Variants in ARSG observed in about 807,000 individuals in gnomAD.
The protein encoded by ARSG is ASG.
Under a neutral mutation model 50.5 loss-of-function variants are expected in ARSG, and 37 were observed. The ratio of observed to expected loss-of-function variants is 0.73; its 90% CI spans 0.56 to 0.96. ARSG has a LOEUF of 0.96. Among genes scored for constraint, ARSG ranks in the 50% least tolerant of loss-of-function variants. The pLI, the probability that ARSG is intolerant of heterozygous loss-of-function variation, is 0.00. For missense variants in ARSG, 629 were observed against 675.3 expected, an observed-to-expected ratio of 0.93 and a Z score of 0.76; for synonymous variants, 225 against 254.6, an observed-to-expected ratio of 0.88 and a Z score of 1.11.
chr17:68,346,030 C>G (rs2064388899), intron 3 of ARSG, among the ~76,000 whole-genome samples: 1 of 152,064 alleles, frequency 6.6e-6, no homozygotes, highest in Admixed American at 6.6e-5. Context: ...CGTGCACCAC[C>G]ACACCCAGCT....
At chr17:68,283,703 T>A in intron 1 of ARSG, among the ~76,000 whole-genome samples, 1 of 149,554 alleles carries the variant, frequency 6.7e-6, no homozygotes, top group South Asian at 2.1e-4. Context: ...CTTGAAACCC[T>A]GTCTCTACTA....
At chr17:68,338,249 CCT>C (rs1381267234) in intron 2 of ARSG, among the ~76,000 whole-genome samples, 1 of 152,158 alleles carries the variant, frequency 6.6e-6, no homozygotes, top group African/African-American at 2.4e-5. Flanking sequence ...GTGTCCCACA[CCT>C]GTCTTTGGAT....
intron 9 of ARSG, among the ~76,000 whole-genome samples, chr17:68,391,329 C>T (rs942949669): frequency 6.6e-6 from 1 of 152,146 alleles, no homozygotes; most frequent in Non-Finnish European, 1.5e-5. Context: ...CTTGCCAAAT[C>T]GGGATGGGGC....
chr17:68,323,920 A>G (rs1214208294), intron 2 of ARSG, among the ~76,000 whole-genome samples: 1 of 151,994 alleles, frequency 6.6e-6, no homozygotes, highest in Admixed American at 6.6e-5. Context: ...TAAAAATACA[A>G]AAATTAGCCA....
At position 68,370,365 on chromosome 17, in the gene ARSG, G is replaced by C. The variant is rs549690560; in HGVS notation, c.902-79G>C. The C allele has an allele frequency of 2.5e-5, 32 of 1,298,156 alleles. No individual in the cohort carries two copies. The African/African-American group carries it at 3.9e-4, about 16-fold the overall frequency. The allele number at this position is 1,298,156 out of a possible 1,614,324, so 80.4% of individuals were successfully genotyped here. On this transcript the variant is annotated intron_variant, in intron 7 of 11. Transcript: ENST00000621439. ...CTATCTAGTTCCTGCTCTGCGCAAG[G>C]GATATAGGGCCAGAGTGGGAGGGTC...
chr17:68,342,702 A>G (rs2078323890), intron 2 of ARSG, among the ~76,000 whole-genome samples: 1 of 152,192 alleles, frequency 6.6e-6, no homozygotes, highest in Non-Finnish European at 1.5e-5. Context: ...AAAGCCTTTG[A>G]GTGCTTAGGA....
chr17:68,393,553 A>G (rs1568568915), intron 9 of ARSG, among the ~76,000 whole-genome samples: 1 of 152,170 alleles, frequency 6.6e-6, no homozygotes, highest in Non-Finnish European at 1.5e-5. Context: ...CTTTAAGTGA[A>G]AGGTGAAGTT....
the ARSG span, chr17:68,428,514 T>C: frequency 4.3e-6 from 1 of 235,102 alleles, no homozygotes; most frequent in South Asian, 6.0e-5. Context: ...ATTACAGGTG[T>C]GAGCCGCCAC....
chr17:68,311,731 C>G (rs2145675525), intron 2 of ARSG, among the ~76,000 whole-genome samples: 1 of 151,786 alleles, frequency 6.6e-6, no homozygotes, highest in South Asian at 2.1e-4. Flanking sequence ...CAGATTCTCC[C>G]TCAGAGCCTC....
At chr17:68,386,681 GGT>G (rs1206481356) in intron 9 of ARSG, among the ~76,000 whole-genome samples, 1 of 152,124 alleles carries the variant, frequency 6.6e-6, no homozygotes, top group African/African-American at 2.4e-5. Flanking sequence ...GGGCTGACTT[GGT>G]GTAGTCAAAG....
At chr17:68,374,851 A>G (rs1241899714) in intron 8 of ARSG, among the ~76,000 whole-genome samples, 1 of 55,628 alleles carries the variant, frequency 1.8e-5, no homozygotes, top group Non-Finnish European at 3.3e-5. Flanking sequence ...TGAGACTCAG[A>G]AAAAAAAAAA....
chr17:68,347,029 A>T (rs932292513), intron 3 of ARSG, 96 bp from the exon 4 acceptor site: 22 of 1,577,840 alleles, frequency 1.4e-5, no homozygotes, highest in East Asian at 1.1e-4. Flanking sequence ...GTGCGAGGCG[A>T]AGCTAATGGA....
chr17:68,334,016 A>G (rs2077903846), intron 2 of ARSG, among the ~76,000 whole-genome samples: 1 of 152,142 alleles, frequency 6.6e-6, no homozygotes. Flanking sequence ...AGCCTCCAGG[A>G]GACTGATGGT....
At position 68,271,927 on chromosome 17, in the gene ARSG, T is replaced by C. The variant is rs1178923310; in HGVS notation, c.-552+12501T>C. 6.6e-6 allele frequency among the ~76,000 whole-genome samples: 1 copy of C among 152,134 alleles called. No homozygotes were observed. Among genetic ancestry groups the C allele is most frequent in the Non-Finnish European group, 1.5e-5 (1 of 68,020 alleles). ...AAGCGATTCTCCTGCCTCAGCCTCC[T>C]GAGTAGCTGGGACTATAGGCGTGCG... On this transcript the variant is annotated intron_variant, in intron 1 of 11. Transcript: ENST00000448504. This position sits in a 1 kb window ranked among gnomAD's most constrained non-coding sequence, Gnocchi z 5.3.
At chr17:68,259,392 C>T (rs1360987698) in exon 1 of ARSG, 2 of 152,226 alleles carry the variant, frequency 1.3e-5, no homozygotes, top group African/African-American at 4.8e-5. Context: ...CTGGGCACAG[C>T]CTTGGAAAGT....
chr17:68,299,937 CTTT>C (rs34778190), intron 1 of ARSG, among the ~76,000 whole-genome samples: 4 of 137,974 alleles, frequency 2.9e-5, no homozygotes, highest in Admixed American at 7.3e-5. Flanking sequence ...TTTGGTATTG[CTTT>C]TTTTTTTTTT....
Position 68,420,233 on chromosome 17 carries a change from C to T in ARSG, c.1348C>T (p.His450Tyr). Residue 450 changes from histidine to tyrosine, a missense_variant, in exon 12 of 12, where the codon CAT becomes TAT. By Grantham distance (83) the His-to-Tyr change is moderately conservative. Coordinates refer to ENST00000621439, the MANE Select transcript of ARSG (RefSeq NM_001267727.2). ...CDGSTGPELQ[H>Y]KFPLIFNLED... is the part of the protein sequence containing the mutation. ...TGGGAGCACGGGGCCTGAGCTGCAG[C>T]ATAAGTTTCCTCTGATTTTCAACCT... 1 of 1,614,134 alleles carries T rather than the reference C, an allele frequency of 6.2e-7. No homozygotes were observed.
At position 68,351,703 on chromosome 17, in the gene ARSG, C is replaced by T; in HGVS notation, c.566+17C>T. The T allele has an allele frequency of 6.5e-7, 1 of 1,536,912 alleles. No homozygotes were observed. On this transcript the variant is annotated intron_variant, in intron 5 of 11. Coordinates refer to ENST00000621439, the MANE Select transcript of ARSG (RefSeq NM_001267727.2). ...ACCATCAAGGTAATGCTGTCTGACA[C>T]ATTTGCGATAGGCTCCAGGACAAGG...
At chr17:68,387,387 C>T (rs1480837344) in intron 9 of ARSG, among the ~76,000 whole-genome samples, 1 of 152,134 alleles carries the variant, frequency 6.6e-6, no homozygotes, top group African/African-American at 2.4e-5. Flanking sequence ...CCTGGGCCTC[C>T]CAAAGCACTG....
Sources: allele counts gnomAD v4.1 joint callset (sites outside exome capture counted in the v4.1 genomes callset), GRCh38; gene constraint gnomAD v4.1.1; non-coding constraint Gnocchi (gnomAD v3.1); transcripts MANE v1.5; gene names NCBI Gene and HGNC (gene_info 2026-07-23, HGNC 2026-07-21).